PLPPR1: variants seen among roughly 807,000 people sequenced by gnomAD.
The protein encoded by PLPPR1 is phospholipid phosphatase related 1.
PLPPR1 carries 10 observed loss-of-function variants against 33.1 expected under a neutral mutation model. That is an observed-to-expected ratio of 0.30 (90% confidence interval 0.19 to 0.51). PLPPR1 has a LOEUF of 0.51. Ranked by LOEUF, PLPPR1 falls within the 20% of genes least tolerant of loss-of-function variation. The pLI is 0.97. For missense variants in PLPPR1, 304 were observed against 408.1 expected, an observed-to-expected ratio of 0.74 and a Z score of 2.20; for synonymous variants, 151 against 151.0, an observed-to-expected ratio of 1.00 and a Z score of 0.00.
intron 4 of PLPPR1, among the ~76,000 whole-genome samples, chr9:101,294,368 G>C (rs1395433296): frequency 2.6e-5 from 4 of 151,796 alleles, no homozygotes. Context: ...AATTCTACCA[G>C]AGGTACAAGG....
At position 101,312,966 on chromosome 9, in the gene PLPPR1, C is replaced by A. The variant is rs760832752; in HGVS notation, c.805C>A (p.Leu269Met). 6.2e-7 allele frequency: 1 copy of A among 1,613,976 alleles called. No homozygotes were observed. Among genetic ancestry groups the A allele is most frequent in the African/African-American group, 1.3e-5 (1 of 75,044 alleles). Residue 269 changes from leucine to methionine, a missense_variant, in exon 6 of 8, where the codon CTG becomes ATG. Leu to Met is a conservative substitution (Grantham distance 15, BLOSUM62 2). Coordinates refer to ENST00000374874, the MANE Select transcript of PLPPR1 (RefSeq NM_207299.2). ...TTTCATCCTGGGCACTGCAGTGGCC[C>A]TGTTTCTGGTAGGTTGACTTCCCTC... ...AGFILGTAVALFLGMCVVHNF... is the reference protein window; with the variant it reads ...AGFILGTAVAMFLGMCVVHNF...
At chr9:101,255,314 A>C (rs1457845040) in intron 2 of PLPPR1, among the ~76,000 whole-genome samples, 1 of 152,166 alleles carries the variant, frequency 6.6e-6, no homozygotes, top group Non-Finnish European at 1.5e-5. Context: ...ATGAAATTTC[A>C]TAATAGGCTC....
chr9:101,085,263 C>A (rs1830662885), intron 1 of PLPPR1, among the ~76,000 whole-genome samples: 1 of 152,160 alleles, frequency 6.6e-6, no homozygotes. Context: ...ACATTTCCTG[C>A]AATTTGGTTG....
chr9:101,167,373 C>T lies in PLPPR1; in HGVS notation c.-45-18077C>T, dbSNP rs1042362622. ...ACTGCTCAGAACAGCTTGTGACATA[C>T]ATCCCTGCAGGCAAGACCATAAAGG... is the stretch of plus-strand genomic sequence containing the variant. On this transcript the variant is annotated intron_variant, in intron 1 of 7. Transcript: ENST00000374874. Among the ~76,000 whole-genome samples the T allele has an allele frequency of 2.0e-5, 3 of 151,006 alleles. No individual in the cohort carries two copies. In the East Asian group the frequency reaches 6.1e-4, roughly 31 times the overall value.
At chr9:101,271,922 G>C (rs73656188) in intron 3 of PLPPR1, among the ~76,000 whole-genome samples, 1 of 152,200 alleles carries the variant, frequency 6.6e-6, no homozygotes, top group African/African-American at 2.4e-5. Context: ...GAAGGAAATG[G>C]ATTAATAAAA....
chr9:101,301,090 G>A (rs1828742344), intron 4 of PLPPR1, among the ~76,000 whole-genome samples: 1 of 152,084 alleles, frequency 6.6e-6, no homozygotes, highest in African/African-American at 2.4e-5. Flanking sequence ...AATATTTGGT[G>A]GGCTTTCTAG....
chr9:101,248,628 A>G (rs1433029453), intron 2 of PLPPR1, among the ~76,000 whole-genome samples: 1 of 152,090 alleles, frequency 6.6e-6, no homozygotes, highest in Non-Finnish European at 1.5e-5. Context: ...ACAGTTTTTC[A>G]TACGAATCAG....
chr9:101,221,114 G>A (rs933199165), intron 2 of PLPPR1, among the ~76,000 whole-genome samples: 3 of 151,842 alleles, frequency 2.0e-5, no homozygotes, highest in African/African-American at 7.3e-5. Context: ...TTTTCATAAG[G>A]TATTGCAGTA....
chr9:101,173,901 C>T (rs1825982135), intron 1 of PLPPR1, among the ~76,000 whole-genome samples: 1 of 152,076 alleles, frequency 6.6e-6, no homozygotes, highest in Non-Finnish European at 1.5e-5. Context: ...CAGTAGAGCC[C>T]CTCACAACAA....
At chr9:101,076,394 C>A (rs1179063904) in intron 1 of PLPPR1, among the ~76,000 whole-genome samples, 2 of 152,130 alleles carry the variant, frequency 1.3e-5, no homozygotes, top group Non-Finnish European at 2.9e-5. Flanking sequence ...GGTACTTACT[C>A]TTTTATGTAT....
intron 7 of PLPPR1, among the ~76,000 whole-genome samples, chr9:101,317,850 AG>A (rs1221174386): frequency 6.6e-6 from 1 of 152,246 alleles, no homozygotes; most frequent in Non-Finnish European, 1.5e-5. Context: ...GGAAAGAAAA[AG>A]GTTGTGTTAC....
rs140788737 is a variant in PLPPR1 at position 101,220,070 on chromosome 9, G to A, written c.63+34513G>A. Among the ~76,000 whole-genome samples the A allele has an allele frequency of 2.2e-3, 330 of 152,216 alleles. 1 individual carries two copies. The highest frequency in any genetic ancestry group is 6.8e-3 in the Middle Eastern group (2 of 294). On this transcript the variant is annotated intron_variant, in intron 2 of 7. Transcript: ENST00000374874. ...TTTCTTTGGCATTAGTGATGTTTGG[G>A]GCTGGATAATTCCTTGTTATGGGAG...
chr9:101,072,391 G>A (rs929238118), intron 1 of PLPPR1, among the ~76,000 whole-genome samples: 1 of 152,128 alleles, frequency 6.6e-6, no homozygotes, highest in African/African-American at 2.4e-5. Flanking sequence ...TCCAGAAAGA[G>A]CATATAACAC....
intron 2 of PLPPR1, among the ~76,000 whole-genome samples, chr9:101,190,824 T>C (rs1163627131): frequency 6.6e-6 from 1 of 152,184 alleles, no homozygotes; most frequent in East Asian, 1.9e-4. Flanking sequence ...GAACAAAGTT[T>C]GTAGATTACA....
At chr9:101,266,518 G>A (rs1828002129) in intron 2 of PLPPR1, among the ~76,000 whole-genome samples, 1 of 152,160 alleles carries the variant, frequency 6.6e-6, no homozygotes, top group Admixed American at 6.5e-5. Context: ...CGTGGTGGGT[G>A]GTCAGTTCTG....
At chr9:101,122,950 T>G (rs1203875792) in intron 1 of PLPPR1, among the ~76,000 whole-genome samples, 1 of 152,202 alleles carries the variant, frequency 6.6e-6, no homozygotes, top group Non-Finnish European at 1.5e-5. Flanking sequence ...AAATAGCTTT[T>G]CTTAAGTACA....
At chr9:101,297,477 A>G (rs1051576154) in intron 4 of PLPPR1, among the ~76,000 whole-genome samples, 1 of 152,224 alleles carries the variant, frequency 6.6e-6, no homozygotes, top group African/African-American at 2.4e-5. Flanking sequence ...CTCCTCCTTT[A>G]GCAAATGCTA....
At chr9:101,030,263 G>A (rs990590792) in intron 1 of PLPPR1, among the ~76,000 whole-genome samples, 3 of 151,756 alleles carry the variant, frequency 2.0e-5, no homozygotes, top group Non-Finnish European at 1.5e-5. Context: ...AAGGGAGATA[G>A]AAGAGGGACA....
chr9:101,241,545 G>A (rs1000605945), intron 2 of PLPPR1, among the ~76,000 whole-genome samples: 3 of 152,122 alleles, frequency 2.0e-5, no homozygotes, highest in Non-Finnish European at 4.4e-5. Flanking sequence ...ACAAGCTTGA[G>A]ATAGACCTTC....
Sources: allele counts gnomAD v4.1 joint callset (sites outside exome capture counted in the v4.1 genomes callset), GRCh38; gene constraint gnomAD v4.1.1; transcripts MANE v1.5; gene names NCBI Gene and HGNC (gene_info 2026-07-23, HGNC 2026-07-21).